The following SAMD8 variants were observed in gnomAD, a reference collection of about 807,000 sequenced individuals.
SAMD8 encodes the protein sterile alpha motif domain containing 8, also known as sphingomyelin synthase-related protein 1.
SAMD8 carries 20 observed loss-of-function variants against 42.0 expected under a neutral mutation model. The observed-to-expected ratio is 0.48, with a 90% CI of 0.34 to 0.69. The LOEUF is 0.69. SAMD8 is among the 30% of genes least tolerant of loss of function. The probability of loss-of-function intolerance (pLI) is 0.01; values close to 1 mark genes in which losing one functional copy is unlikely to be tolerated. For missense variants in SAMD8, 328 were observed against 511.6 expected (o/e 0.64, Z 3.46); for synonymous variants, 162 against 173.0 (o/e 0.94, Z 0.50).
chr10:75,146,074 C>T (rs1840123394), intron 1 of SAMD8, among the ~76,000 whole-genome samples: 1 of 152,032 alleles, frequency 6.6e-6, no homozygotes, highest in Non-Finnish European at 1.5e-5. Flanking sequence ...TATTGTGCCC[C>T]ATAAACACTA....
intron 1 of SAMD8, among the ~76,000 whole-genome samples, chr10:75,120,784 T>TG (rs1848987192): frequency 1.4e-5 from 2 of 140,486 alleles, no homozygotes; most frequent in Admixed American, 1.4e-4. Flanking sequence ...CTTTTTTTTT[T>TG]TTTTTTTTTT....
chr10:75,115,607 G>A (rs1045681967), intron 1 of SAMD8, among the ~76,000 whole-genome samples: 4 of 152,060 alleles, frequency 2.6e-5, no homozygotes, highest in African/African-American at 4.8e-5. Flanking sequence ...TCATGTTTCC[G>A]TATTGAAATG....
intron 1 of SAMD8, among the ~76,000 whole-genome samples, chr10:75,142,559 C>T (rs1184257157): frequency 1.3e-5 from 2 of 152,046 alleles, no homozygotes; most frequent in African/African-American, 4.8e-5. Context: ...GCCTCAGCCT[C>T]CTGAGTAGCT....
Position 75,150,790 on chromosome 10 carries a change from T to C in SAMD8, c.262T>C (p.Tyr88His), listed in dbSNP as rs1283308249. Residue 88 changes from tyrosine to histidine, a missense_variant, in exon 2 of 6, where the codon TAC becomes CAC. Around this residue, in one of 2 missense-constraint regions of SAMD8, gnomAD observed 150 missense variants for 186.0 expected, o/e 0.81. Transcript: ENST00000542569. ...TATTGATGTTTTAGAAGAGATGGGCTACAACAGTGACAGTCCCATGGGTTC... is the reference window on the plus strand; with the variant it reads ...TATTGATGTTTTAGAAGAGATGGGCCACAACAGTGACAGTCCCATGGGTTC... Reference protein sequence around the residue: ...IHIDVLEEMGYNSDSPMGSMT... With the variant: ...IHIDVLEEMGHNSDSPMGSMT... 5.6e-6 allele frequency: 9 copies of C among 1,614,198 alleles called. No homozygotes were observed. The highest frequency in any genetic ancestry group is 6.8e-6 in the Non-Finnish European group (8 of 1,180,032).
chr10:75,144,827 T>A (rs1239213190), intron 1 of SAMD8, among the ~76,000 whole-genome samples: 1 of 152,124 alleles, frequency 6.6e-6, no homozygotes, highest in Non-Finnish European at 1.5e-5. Flanking sequence ...TGGCTAATTT[T>A]AAAAAATTAT....
chr10:75,102,719 G>A (rs567037960), intron 1 of SAMD8, among the ~76,000 whole-genome samples: 4 of 152,166 alleles, frequency 2.6e-5, no homozygotes, highest in East Asian at 3.9e-4. Flanking sequence ...TTGGGAGGCC[G>A]AGGTGGGCGG....
intron 2 of SAMD8, among the ~76,000 whole-genome samples, chr10:75,153,785 T>C (rs1267885819): frequency 1.3e-5 from 2 of 151,852 alleles, no homozygotes; most frequent in East Asian, 3.9e-4. Context: ...TTGTTTTGTT[T>C]TTGTTGTTTT....
chr10:75,157,982 A>C (rs187042787), intron 2 of SAMD8, among the ~76,000 whole-genome samples: 57 of 152,054 alleles, frequency 3.7e-4, no homozygotes, highest in Non-Finnish European at 7.2e-4. Context: ...CAACATGGAG[A>C]AACCGCATCT....
chr10:75,106,480 A>G (rs913832209), intron 1 of SAMD8, among the ~76,000 whole-genome samples: 6 of 152,114 alleles, frequency 3.9e-5, no homozygotes, highest in Non-Finnish European at 7.4e-5. Context: ...GGCTTCCTCC[A>G]CAGGCTTTCT....
intron 1 of SAMD8, among the ~76,000 whole-genome samples, chr10:75,102,845 G>C (rs181726094): frequency 1.3e-4 from 19 of 151,880 alleles, no homozygotes; most frequent in Non-Finnish European, 5.9e-5. Flanking sequence ...CCAGCTACTC[G>C]GGAGCCTGAG....
In SAMD8 at chr10:75,176,422, A is replaced by G; in HGVS notation, c.978A>G (p.Leu326=). The change falls in exon 6 of 6, where the codon TTA becomes TTG. Residue 326 remains leucine, a synonymous_variant. Transcript: ENST00000542569. The surrounding 1 kb of genome is among the most constrained non-coding windows in gnomAD (Gnocchi z 4.3). ...TPRSWNFLHT[L]SWVLNLFGIF... The stretch of plus-strand genomic sequence containing the variant: ...GAAGCTGGAATTTCTTGCACACTTT[A>G]TCCTGGGTTCTCAACCTCTTTGGAA... 1.3e-6 allele frequency: 2 copies of G among 1,550,482 alleles called. No individual in the cohort carries two copies. Among genetic ancestry groups the G allele is most frequent in the African/African-American group, 1.4e-5 (1 of 72,728 alleles).
intron 4 of SAMD8, among the ~76,000 whole-genome samples, chr10:75,174,314 A>G (rs990204775): frequency 3.3e-5 from 5 of 151,932 alleles, no homozygotes; most frequent in African/African-American, 1.2e-4. Context: ...TATATTTAGT[A>G]GAGATGGGGT....
At position 75,114,902 on chromosome 10, in the gene SAMD8, G is replaced by A. The variant is rs372484325; in HGVS notation, c.-16+3180G>A. 2.4e-4 allele frequency among the ~76,000 whole-genome samples: 36 copies of A among 152,040 alleles called. No individual in the cohort carries two copies. The East Asian group carries it at 2.9e-3, about 12-fold the overall frequency. On this transcript the variant is annotated intron_variant, in intron 1 of 5. Transcript: ENST00000542569. Reference sequence around the variant, plus strand: ...CTTTGGACATCAAACTGATTTATACGAGATATGAATACAATTGCATATTCT... The same window carrying A: ...CTTTGGACATCAAACTGATTTATACAAGATATGAATACAATTGCATATTCT...
chr10:75,157,108 A>G (rs1355360623), intron 2 of SAMD8, among the ~76,000 whole-genome samples: 1 of 152,024 alleles, frequency 6.6e-6, no homozygotes, highest in African/African-American at 2.4e-5. Flanking sequence ...AAGCAAGCAA[A>G]TGTGGCAAAA....
chr10:75,146,010 T>G (rs1564685932), intron 1 of SAMD8, among the ~76,000 whole-genome samples: 1 of 152,182 alleles, frequency 6.6e-6, no homozygotes, highest in African/African-American at 2.4e-5. Context: ...CAGCTAAATA[T>G]TCAAGAGAGA....
At position 75,166,444 on chromosome 10, in the gene SAMD8, A is replaced by G. The variant is rs150260039; in HGVS notation, c.674+1704A>G. On this transcript the variant is annotated intron_variant, in intron 3 of 5. Transcript: ENST00000542569. ...TTCTGCTCTCCATTGTCTTTGGAAC[A>G]CTGGAGAGAGGAACAAGGGTAGTTG... is the stretch of plus-strand genomic sequence containing the variant. 4.5e-3 allele frequency among the ~76,000 whole-genome samples: 679 copies of G among 152,212 alleles called. 3 individuals carry two copies. Among genetic ancestry groups the G allele is most frequent in the Non-Finnish European group, 5.6e-3 (381 of 68,006 alleles).
At chr10:75,100,769 CT>C (rs1469892633) in intron 1 of SAMD8, among the ~76,000 whole-genome samples, 1 of 152,326 alleles carries the variant, frequency 6.6e-6, no homozygotes, top group East Asian at 1.9e-4. Flanking sequence ...AGTCCATGCA[CT>C]TCTTTTCTGT....
chr10:75,144,560 T>A (rs1840092243), intron 1 of SAMD8, among the ~76,000 whole-genome samples: 1 of 152,236 alleles, frequency 6.6e-6, no homozygotes, highest in Admixed American at 6.5e-5. Context: ...ATCCATGTTG[T>A]AGCATGCGTC....
chr10:75,153,500 G>A (rs1840338772), intron 2 of SAMD8, among the ~76,000 whole-genome samples: 1 of 151,642 alleles, frequency 6.6e-6, no homozygotes, highest in Admixed American at 6.6e-5. Flanking sequence ...AATTATCTCA[G>A]CTACTCAGGA....
Sources: gnomAD v4.1 joint callset for allele counts (sites outside exome capture counted in the v4.1 genomes callset) on GRCh38, gnomAD v4.1.1 for gene constraint, gnomAD v4.1.1 regional missense constraint, Gnocchi (gnomAD v3.1) non-coding constraint, MANE v1.5 for transcripts, NCBI Gene and HGNC (gene_info 2026-07-23, HGNC 2026-07-21) for gene names.